The following BMP6 variants were observed in gnomAD, a reference collection of about 807,000 sequenced individuals.
The protein encoded by BMP6 is bone morphogenetic protein 6, also known as VG-1-R.
BMP6 carries 17 observed loss-of-function variants against 54.1 expected under a neutral mutation model. The observed-to-expected ratio is 0.31, with a 90% CI of 0.22 to 0.47. BMP6 has a LOEUF of 0.47. Ranked by LOEUF, BMP6 falls within the 20% of genes least tolerant of loss-of-function variation. BMP6 has a pLI of 1.00. For missense variants in BMP6, 720 were observed against 690.4 expected, an observed-to-expected ratio of 1.04 and a Z score of -0.48; for synonymous variants, 328 against 291.2, an observed-to-expected ratio of 1.13 and a Z score of -1.28.
At chr6:7,839,480 C>T (rs1048835266) in intron 1 of BMP6, among the ~76,000 whole-genome samples, 4 of 152,236 alleles carry the variant, frequency 2.6e-5, no homozygotes, top group African/African-American at 7.2e-5. Flanking sequence ...TCCCCTCTCC[C>T]ATAGCCCCTG....
intron 1 of BMP6, among the ~76,000 whole-genome samples, chr6:7,834,191 T>G (rs1479943047): frequency 1.3e-5 from 2 of 151,292 alleles, no homozygotes; most frequent in Non-Finnish European, 2.9e-5. Context: ...AATGCTTTTT[T>G]TTTTTTTTTT....
Position 7,881,696 on chromosome 6 carries a change from C to CATACGT in BMP6, c.*1354_*1359dup, listed in dbSNP as rs1759747085. ...TTTAAAAAAAGAATTATCTGTGAACCATACGTGATTAATAAAGATTTCCTT... is the reference window on the plus strand; with the variant it reads ...TTTAAAAAAAGAATTATCTGTGAACCATACGTATACGTGATTAATAAAGATTTCCTT... On this transcript the variant is annotated 3_prime_UTR_variant, in exon 7 of 7. Coordinates refer to ENST00000283147, the MANE Select transcript of BMP6 (RefSeq NM_001718.6). The CATACGT allele has an allele frequency of 1.3e-5, 2 of 152,102 alleles. No individual in the cohort carries two copies. The highest frequency in any genetic ancestry group is 1.3e-4 in the Admixed American group (2 of 15,270). The allele number at this position is 152,102 out of a possible 1,614,324, so 9.4% of individuals were successfully genotyped here. A position where few individuals can be genotyped will look rare whatever the true frequency, so the allele number is the denominator to read the frequency against.
chr6:7,809,075 T>C (rs550864705), intron 1 of BMP6, among the ~76,000 whole-genome samples: 2 of 150,902 alleles, frequency 1.3e-5, no homozygotes, highest in Admixed American at 6.6e-5. Context: ...TGGTGAGGGC[T>C]CCATTTCTTC....
At chr6:7,731,220 G>A (rs1290077051) in intron 1 of BMP6, among the ~76,000 whole-genome samples, 3 of 152,196 alleles carry the variant, frequency 2.0e-5, no homozygotes, top group South Asian at 2.1e-4. Flanking sequence ...TTCACTCAGG[G>A]CCACAGATGC....
chr6:7,793,297 C>T (rs958047675), intron 1 of BMP6, among the ~76,000 whole-genome samples: 1 of 150,850 alleles, frequency 6.6e-6, no homozygotes, highest in African/African-American at 2.4e-5. Flanking sequence ...TATATAGTTC[C>T]AACTGTACGA....
intron 1 of BMP6, among the ~76,000 whole-genome samples, chr6:7,831,485 TAAAG>T (rs937481882): frequency 8.5e-5 from 13 of 152,194 alleles, no homozygotes; most frequent in African/African-American, 2.6e-4. Context: ...GAATGAAAGA[TAAAG>T]GAAGGAATGT....
At chr6:7,842,819 T>A (rs1400697184) in intron 1 of BMP6, among the ~76,000 whole-genome samples, 3 of 152,350 alleles carry the variant, frequency 2.0e-5, no homozygotes, top group East Asian at 3.9e-4. Context: ...GTTACTGTCT[T>A]ATGTCTTATT....
chr6:7,775,825 A>T (rs1757854413), intron 1 of BMP6, among the ~76,000 whole-genome samples: 1 of 152,210 alleles, frequency 6.6e-6, no homozygotes, highest in Non-Finnish European at 1.5e-5. Flanking sequence ...CAGTATTTAT[A>T]ATCTATTTTC....
chr6:7,834,228 T>A (rs1297538390), intron 1 of BMP6, among the ~76,000 whole-genome samples: 19 of 147,208 alleles, frequency 1.3e-4, no homozygotes, highest in Admixed American at 6.8e-5. Context: ...TAACCCAATT[T>A]AAATATTCAG....
chr6:7,731,498 C>G (rs1480040028), intron 1 of BMP6, among the ~76,000 whole-genome samples: 1 of 152,192 alleles, frequency 6.6e-6, no homozygotes, highest in African/African-American at 2.4e-5. Context: ...TTTGTCTCCC[C>G]TGTAGGATGT....
At chr6:7,824,040 G>A (rs1370950543) in intron 1 of BMP6, among the ~76,000 whole-genome samples, 3 of 152,190 alleles carry the variant, frequency 2.0e-5, no homozygotes, top group African/African-American at 7.2e-5. Flanking sequence ...CATGTTAGGT[G>A]GCTGTTGCAG....
intron 1 of BMP6, among the ~76,000 whole-genome samples, chr6:7,764,453 C>A (rs970421509): frequency 4.6e-5 from 7 of 152,094 alleles, no homozygotes. Context: ...AAGTTTTGGG[C>A]CTCACTCCTG....
intron 1 of BMP6, among the ~76,000 whole-genome samples, chr6:7,791,626 A>G (rs1758109100): frequency 6.6e-6 from 1 of 152,114 alleles, no homozygotes; most frequent in African/African-American, 2.4e-5. Flanking sequence ...CGCTCTGAAC[A>G]TCACTACCTG....
At chr6:7,852,579 A>G (rs1179760774) in intron 2 of BMP6, among the ~76,000 whole-genome samples, 1 of 152,214 alleles carries the variant, frequency 6.6e-6, no homozygotes, top group African/African-American at 2.4e-5. Flanking sequence ...CTTGTCTCAA[A>G]AAATTTTTTT....
chr6:7,790,640 A>C (rs562637192), intron 1 of BMP6, among the ~76,000 whole-genome samples: 2 of 150,980 alleles, frequency 1.3e-5, no homozygotes, highest in African/African-American at 2.4e-5. Flanking sequence ...CTACTGGTTG[A>C]TAATTTTTCT....
chr6:7,766,462 T>TA (rs1757689779), intron 1 of BMP6, among the ~76,000 whole-genome samples: 1 of 151,872 alleles, frequency 6.6e-6, no homozygotes, highest in Non-Finnish European at 1.5e-5. Flanking sequence ...AAAATGTTTT[T>TA]AAAAAATTAA....
At chr6:7,865,648 T>C (rs997673125) in intron 4 of BMP6, among the ~76,000 whole-genome samples, 8 of 152,156 alleles carry the variant, frequency 5.3e-5, no homozygotes, top group Non-Finnish European at 1.0e-4. Flanking sequence ...TGAGGCCAGA[T>C]GTTGCTGGGC....
intron 1 of BMP6, among the ~76,000 whole-genome samples, chr6:7,812,125 A>G (rs1758444937): frequency 6.6e-6 from 1 of 152,192 alleles, no homozygotes; most frequent in African/African-American, 2.4e-5. Flanking sequence ...TACATTTTAT[A>G]TACTTTGACA....
At chr6:7,766,301 CTAAA>C (rs1412809256) in intron 1 of BMP6, among the ~76,000 whole-genome samples, 3 of 152,116 alleles carry the variant, frequency 2.0e-5, no homozygotes, top group Non-Finnish European at 4.4e-5. Context: ...TAATAATGAG[CTAAA>C]TAAAGTGGAT....
Sources: allele counts gnomAD v4.1 joint callset (sites outside exome capture counted in the v4.1 genomes callset), GRCh38; gene constraint gnomAD v4.1.1; transcripts MANE v1.5; gene names NCBI Gene and HGNC (gene_info 2026-07-23, HGNC 2026-07-21).